The following AGPS variants were observed in gnomAD, a reference collection of about 807,000 sequenced individuals.
AGPS encodes the protein alkylglycerone phosphate synthase.
AGPS carries 26 observed loss-of-function variants against 90.7 expected under a neutral mutation model. That is an observed-to-expected ratio of 0.29 (90% CI 0.21 to 0.40). The LOEUF (loss-of-function observed/expected upper bound fraction) is 0.40, where lower values mean the gene tolerates loss of function less well. Ranked by LOEUF, AGPS falls within the 10% of genes least tolerant of loss-of-function variation. AGPS has a pLI of 1.00. For missense variants in AGPS, 540 were observed against 816.1 expected (o/e 0.66, Z 4.12); for synonymous variants, 294 against 285.3 (o/e 1.03, Z -0.31).
At chr2:177,443,888 CT>C (rs2105640554) in intron 7 of AGPS, among the ~76,000 whole-genome samples, 1 of 152,178 alleles carries the variant, frequency 6.6e-6, no homozygotes, top group African/African-American at 2.4e-5. Context: ...GTTTTTTCTG[CT>C]TCTTTTAATT....
intron 10 of AGPS, among the ~76,000 whole-genome samples, chr2:177,479,280 C>T (rs554254536): frequency 6.6e-6 from 1 of 152,124 alleles, no homozygotes; most frequent in South Asian, 2.1e-4. Flanking sequence ...GCTTTTGTCC[C>T]ACAGTTGGGG....
chr2:177,421,005 A>G (rs1304032046), intron 2 of AGPS, among the ~76,000 whole-genome samples: 1 of 152,010 alleles, frequency 6.6e-6, no homozygotes, highest in African/African-American at 2.4e-5. Flanking sequence ...TATTGGTTCA[A>G]TCATACCTCA....
chr2:177,483,480 A>G (rs1688005182), intron 11 of AGPS, among the ~76,000 whole-genome samples: 1 of 152,176 alleles, frequency 6.6e-6, no homozygotes, highest in Non-Finnish European at 1.5e-5. Context: ...TGCTAGACTT[A>G]GTATAGGTCC....
chr2:177,395,720 G>A (rs969711458), intron 1 of AGPS, among the ~76,000 whole-genome samples: 1 of 152,328 alleles, frequency 6.6e-6, no homozygotes, highest in East Asian at 1.9e-4. Context: ...ATAATTTTGT[G>A]ATTTGTGTAT....
intron 9 of AGPS, among the ~76,000 whole-genome samples, chr2:177,464,006 A>G (rs548799327): frequency 3.9e-5 from 6 of 152,264 alleles, no homozygotes; most frequent in African/African-American, 1.2e-4. Flanking sequence ...CAGTGGCACA[A>G]TCTCAGCTCA....
chr2:177,462,706 A>AAT (rs1368233464), intron 9 of AGPS, among the ~76,000 whole-genome samples: 1 of 152,216 alleles, frequency 6.6e-6, no homozygotes, highest in African/African-American at 2.4e-5. Flanking sequence ...TAATACAAAA[A>AAT]ATATAGTAGA....
rs2079201796 is a variant in AGPS at position 177,538,280 on chromosome 2, A to T, written c.*85A>T. 7.3e-7 allele frequency: 1 copy of T among 1,374,628 alleles called. No homozygotes were observed. Among genetic ancestry groups the T allele is most frequent in the Non-Finnish European group, 1.0e-6 (1 of 975,342 alleles). The allele number at this position is 1,374,628 out of a possible 1,614,324, so 85.2% of individuals were successfully genotyped here. A position where few individuals can be genotyped will look rare whatever the true frequency, so the allele number is the denominator to read the frequency against. On this transcript the variant is annotated 3_prime_UTR_variant, in exon 20 of 20. Transcript: ENST00000264167. ...ATACTAGTAATCAAATATATCATGG[A>T]CTATATTTTGGATACATTTGTTTCT...
chr2:177,435,098 TTTA>T (rs1055386876), intron 3 of AGPS, among the ~76,000 whole-genome samples: 4 of 150,518 alleles, frequency 2.7e-5, no homozygotes, highest in African/African-American at 7.3e-5. Context: ...TGCATTTCTT[TTTA>T]TTATTTTTGA....
At chr2:177,413,174 A>G (rs999171321) in intron 1 of AGPS, among the ~76,000 whole-genome samples, 1 of 152,234 alleles carries the variant, frequency 6.6e-6, no homozygotes, top group Non-Finnish European at 1.5e-5. Flanking sequence ...ATTACGGTTT[A>G]CAACAAGAAT....
chr2:177,482,252 TCTA>T lies in AGPS; in HGVS notation c.1233+71_1233+73del, dbSNP rs1239389765. 4.0e-5 allele frequency: 36 copies of T among 905,774 alleles called. No homozygotes were observed. In the African/African-American group the frequency reaches 5.9e-4, roughly 15 times the overall value. 56.1% of individuals were successfully genotyped at this position (905,774 alleles called of 1,614,324 possible). A position where few individuals can be genotyped will look rare whatever the true frequency, so the allele number is the denominator to read the frequency against. ...GTTTATGTATTTATATTTTTCAAAT[TCTA>T]CTACATAGTTGATTGTGATATGTTA... is the stretch of plus-strand genomic sequence containing the variant. On this transcript the variant is annotated intron_variant, in intron 11 of 19. Coordinates refer to ENST00000264167, the MANE Select transcript of AGPS (RefSeq NM_003659.4).
At chr2:177,456,512 C>T (rs936623066) in intron 8 of AGPS, among the ~76,000 whole-genome samples, 1 of 152,130 alleles carries the variant, frequency 6.6e-6, no homozygotes, top group African/African-American at 2.4e-5. Flanking sequence ...ATTACACTTT[C>T]TTCACTTATT....
At chr2:177,451,829 C>T (rs1307521462) in intron 8 of AGPS, among the ~76,000 whole-genome samples, 4 of 152,054 alleles carry the variant, frequency 2.6e-5, no homozygotes, top group Non-Finnish European at 4.4e-5. Flanking sequence ...AAAATCAGTG[C>T]TGATTTTTTC....
intron 10 of AGPS, among the ~76,000 whole-genome samples, chr2:177,475,651 A>T (rs1253735677): frequency 2.0e-5 from 3 of 152,076 alleles, no homozygotes; most frequent in African/African-American, 7.2e-5. Flanking sequence ...TTTTTTTATA[A>T]CTGAATAATA....
intron 19 of AGPS, among the ~76,000 whole-genome samples, chr2:177,530,465 T>C (rs1250613755): frequency 6.6e-6 from 1 of 152,246 alleles, no homozygotes; most frequent in Non-Finnish European, 1.5e-5. Context: ...CTTATTTTTA[T>C]GTATAGAAAA....
intron 10 of AGPS, among the ~76,000 whole-genome samples, chr2:177,480,739 A>G (rs1468291909): frequency 2.0e-5 from 3 of 151,798 alleles, no homozygotes; most frequent in African/African-American, 7.2e-5. Context: ...AAGTATATAT[A>G]TATAAATTTA....
At chr2:177,482,294 T>A in intron 11 of AGPS, 108 bp downstream of exon 11, 2 of 603,806 alleles carry the variant, frequency 3.3e-6, no homozygotes, top group Non-Finnish European at 5.2e-6. Flanking sequence ...CTAATCTTCA[T>A]TTTTAGTTGT....
At chr2:177,395,267 G>A (rs992510087) in intron 1 of AGPS, among the ~76,000 whole-genome samples, 1 of 152,150 alleles carries the variant, frequency 6.6e-6, no homozygotes, top group Admixed American at 6.5e-5. Context: ...ACGTTTGTAA[G>A]GCACACCAAG....
chr2:177,508,442 A>G (rs1688772929), intron 16 of AGPS, among the ~76,000 whole-genome samples: 1 of 152,174 alleles, frequency 6.6e-6, no homozygotes, highest in Admixed American at 6.5e-5. Context: ...TGATATTTGT[A>G]TGTGTAAAAA....
Position 177,461,908 on chromosome 2 carries a change from T to C in AGPS, c.886T>C (p.Tyr296His). The stretch of plus-strand genomic sequence containing the variant: ...TGTTTTTCAGCTTAAAGAAAGTGGT[T>C]ATTGTACAGGTCATGAACCAGATTC... ...ELERQLKESGYCTGHEPDSLE... is the reference protein window; with the variant it reads ...ELERQLKESGHCTGHEPDSLE... The change falls in exon 9 of 20, where the codon TAT becomes CAT. Residue 296 changes from tyrosine (Y) to histidine (H), a missense_variant. Tyr to His is a moderately conservative substitution (Grantham distance 83). Transcript: ENST00000264167. 6.2e-7 allele frequency: 1 copy of C among 1,612,014 alleles called. No homozygotes were observed.
Sources: gnomAD v4.1 joint callset for allele counts (sites outside exome capture counted in the v4.1 genomes callset) on GRCh38, gnomAD v4.1.1 for gene constraint, MANE v1.5 for transcripts, NCBI Gene and HGNC (gene_info 2026-07-23, HGNC 2026-07-21) for gene names.